USH2A: variants seen among roughly 807,000 people sequenced by gnomAD.
USH2A encodes usherin.
Under a neutral mutation model 538.9 loss-of-function variants are expected in USH2A, and 443 were observed. That is an observed-to-expected ratio of 0.82 (90% CI 0.76 to 0.89). The LOEUF (loss-of-function observed/expected upper bound fraction) is 0.89. Among genes scored for constraint, USH2A ranks in the 40% least tolerant of loss-of-function variants. The pLI is 0.00. For missense variants in USH2A, 6,633 were observed against 6,324.8 expected (o/e 1.05, Z -1.65); for synonymous variants, 2,413 against 2,273.5 (o/e 1.06, Z -1.75).
chr1:216,194,978 A>G lies in USH2A; in HGVS notation c.4251+1575T>C, dbSNP rs139246231. Among the ~76,000 whole-genome samples the G allele has an allele frequency of 2.5e-3, 381 of 152,244 alleles. 1 individual carries two copies. The highest frequency in any genetic ancestry group is 0.01 in the Middle Eastern group (3 of 294). On this transcript the variant is annotated intron_variant, in intron 19 of 71. Transcript: ENST00000307340. Reference sequence around the variant, plus strand: ...AAAAAATGTTGCAAGGCACACATAGAAAGAGAATCACAGGGCAGATAGACC... The same window carrying G: ...AAAAAATGTTGCAAGGCACACATAGGAAGAGAATCACAGGGCAGATAGACC...
chr1:216,305,134 T>C (rs576485579), intron 9 of USH2A, among the ~76,000 whole-genome samples: 88 of 152,146 alleles, frequency 5.8e-4, no homozygotes, highest in Admixed American at 9.2e-4. Flanking sequence ...CCCACCATTA[T>C]TGTGTTGCTG....
At chr1:215,847,537 C>T (rs968409590) in intron 44 of USH2A, among the ~76,000 whole-genome samples, 8 of 151,574 alleles carry the variant, frequency 5.3e-5, no homozygotes, top group Non-Finnish European at 8.8e-5. Context: ...CCCAGCTACT[C>T]AGGAAGCTGA....
chr1:215,842,856 A>G lies in USH2A; in HGVS notation c.9258+1438T>C, dbSNP rs1455260391. On this transcript the variant is annotated intron_variant, in intron 46 of 71. Transcript: ENST00000307340. Reference sequence around the variant, plus strand: ...ATCATCAGAATAAATAGCTAATAATACATGTACAGGTAAATACCTGGTAGA... The same window carrying G: ...ATCATCAGAATAAATAGCTAATAATGCATGTACAGGTAAATACCTGGTAGA... Among the ~76,000 whole-genome samples, 9 of 152,058 alleles carry G rather than the reference A, an allele frequency of 5.9e-5. 1 individual carries two copies. The highest frequency in any genetic ancestry group is 1.5e-5 in the Non-Finnish European group (1 of 68,000).
At chr1:216,362,744 A>G (rs1485978731) in intron 4 of USH2A, among the ~76,000 whole-genome samples, 1 of 151,862 alleles carries the variant, frequency 6.6e-6, no homozygotes, top group Non-Finnish European at 1.5e-5. Context: ...GGAGTTCGAG[A>G]CCAGCCTGGC....
intron 21 of USH2A, among the ~76,000 whole-genome samples, chr1:216,139,602 T>C (rs972077564): frequency 1.3e-5 from 2 of 152,218 alleles, no homozygotes; most frequent in Admixed American, 6.5e-5. Flanking sequence ...GAATAGACCA[T>C]AGTGTTGATG....
chr1:215,949,111 T>G (rs2102438929), intron 37 of USH2A, among the ~76,000 whole-genome samples: 1 of 152,210 alleles, frequency 6.6e-6, no homozygotes, highest in South Asian at 2.1e-4. Flanking sequence ...ATAAATATTT[T>G]TAAAGTATTG....
chr1:215,890,625 T>G (rs1338110684), intron 40 of USH2A, among the ~76,000 whole-genome samples: 1 of 152,226 alleles, frequency 6.6e-6, no homozygotes, highest in Non-Finnish European at 1.5e-5. Context: ...CAGTCTCTTG[T>G]TAGCTTTCAT....
intron 4 of USH2A, among the ~76,000 whole-genome samples, chr1:216,339,020 T>G (rs75997562): frequency 6.6e-6 from 1 of 151,596 alleles, no homozygotes; most frequent in African/African-American, 2.4e-5. Flanking sequence ...TTCACTGTGC[T>G]TTTTCTGTGC....
In USH2A at chr1:215,624,753, T is replaced by C. The variant is rs914011605; in HGVS notation, c.*1028A>G. Reference sequence around the variant, plus strand: ...GCTAGTTCTCCAAAAAGAAGGGATATAGTGCAGAGTAATATATACATGATA... The same window carrying C: ...GCTAGTTCTCCAAAAAGAAGGGATACAGTGCAGAGTAATATATACATGATA... On this transcript the variant is annotated 3_prime_UTR_variant, in exon 72 of 72. Coordinates refer to ENST00000307340, the MANE Select transcript of USH2A (RefSeq NM_206933.4). 2.0e-5 allele frequency: 3 copies of C among 152,126 alleles called. No homozygotes were observed. The highest frequency in any genetic ancestry group is 7.2e-5 in the African/African-American group (3 of 41,440). 9.4% of individuals were successfully genotyped at this position (152,126 alleles called of 1,614,324 possible). A position where few individuals can be genotyped will look rare whatever the true frequency, so the allele number is the denominator to read the frequency against.
intron 38 of USH2A, among the ~76,000 whole-genome samples, chr1:215,904,107 A>T (rs1477264590): frequency 1.3e-5 from 2 of 152,146 alleles, no homozygotes; most frequent in Non-Finnish European, 2.9e-5. Context: ...ATATAAAACC[A>T]TGTCTCTCTT....
chr1:215,833,223 G>A (rs927810220), intron 47 of USH2A, among the ~76,000 whole-genome samples: 19 of 151,786 alleles, frequency 1.3e-4, no homozygotes, highest in African/African-American at 4.1e-4. Context: ...ATATGGACAG[G>A]CAAAGTAGTG....
chr1:215,674,690 C>A lies in USH2A; in HGVS notation c.13221G>T (p.Leu4407=), dbSNP rs771196547. ...ESLAGQGLCL[L]VSHLQPYSQY... is the part of the protein sequence containing the mutation. ...GAGAGTAAGGCTGCAGGTGGGAAACCAGCAGGCACAGGCCCTGGCCAGCAA... is the reference window on the plus strand; with the variant it reads ...GAGAGTAAGGCTGCAGGTGGGAAACAAGCAGGCACAGGCCCTGGCCAGCAA... The change falls in exon 63 of 72, where the codon CTG becomes CTT. Residue 4407 remains leucine, a synonymous_variant. Coordinates refer to ENST00000307340, the MANE Select transcript of USH2A (RefSeq NM_206933.4). The A allele has an allele frequency of 1.9e-5, 31 of 1,614,028 alleles. No homozygotes were observed. The highest frequency in any genetic ancestry group is 2.6e-5 in the Non-Finnish European group (31 of 1,179,984).
chr1:216,046,706 T>G (rs1336390225), intron 31 of USH2A, 114 bp from the exon 32 acceptor site: 8 of 1,252,960 alleles, frequency 6.4e-6, no homozygotes, highest in Non-Finnish European at 9.1e-6. Flanking sequence ...CATGGAAATA[T>G]TCCCGATTCG....
chr1:215,715,478 G>T (rs1008590494), intron 61 of USH2A, among the ~76,000 whole-genome samples: 1 of 152,138 alleles, frequency 6.6e-6, no homozygotes, highest in Non-Finnish European at 1.5e-5. Context: ...CTCACTATGG[G>T]TTGTGACACT....
chr1:215,838,564 C>T (rs1466267989), intron 46 of USH2A, among the ~76,000 whole-genome samples: 1 of 152,092 alleles, frequency 6.6e-6, no homozygotes, highest in Non-Finnish European at 1.5e-5. Flanking sequence ...AAAAATGAGG[C>T]CTAGAGAAGC....
intron 32 of USH2A, among the ~76,000 whole-genome samples, chr1:216,019,416 G>GTAATTTTGTAT (rs1668792779): frequency 6.6e-6 from 1 of 152,144 alleles, no homozygotes; most frequent in Admixed American, 6.6e-5. Flanking sequence ...TAATTTTGTA[G>GTAATTTTGTAT]TAATGAATGC....
chr1:215,797,507 G>A (rs79769545), intron 50 of USH2A, among the ~76,000 whole-genome samples: 2 of 152,070 alleles, frequency 1.3e-5, no homozygotes, highest in Non-Finnish European at 1.5e-5. Flanking sequence ...TCTCCTGCTG[G>A]GGGGCTAAAG....
intron 38 of USH2A, among the ~76,000 whole-genome samples, chr1:215,903,507 C>T (rs563845069): frequency 6.6e-6 from 1 of 151,992 alleles, no homozygotes; most frequent in South Asian, 2.1e-4. Flanking sequence ...GAAATGATAC[C>T]GTAAAAGAAA....
intron 64 of USH2A, among the ~76,000 whole-genome samples, chr1:215,657,799 C>G (rs1307421672): frequency 6.6e-6 from 1 of 152,152 alleles, no homozygotes; most frequent in Admixed American, 6.5e-5. Context: ...AATTGGGTGT[C>G]TTGTCGCTAC....
Sources: allele counts gnomAD v4.1 joint callset (sites outside exome capture counted in the v4.1 genomes callset), GRCh38; gene constraint gnomAD v4.1.1; transcripts MANE v1.5; gene names NCBI Gene and HGNC (gene_info 2026-07-23, HGNC 2026-07-21).